RIT2: variants seen among roughly 807,000 people sequenced by gnomAD.
RIT2 encodes the protein GTP-binding protein Rit2.
In RIT2, 24 loss-of-function variants were observed where a neutral mutation model predicts 23.7. The observed-to-expected ratio is 1.01, with a 90% confidence interval of 0.73 to 1.43. The LOEUF is 1.43. Ranked by LOEUF, RIT2 falls within the 40% of genes most tolerant of loss-of-function variation. The pLI, the probability that RIT2 is intolerant of heterozygous loss-of-function variation, is 0.00. For missense variants in RIT2, 236 were observed against 266.9 expected (o/e 0.88, Z 0.81); for synonymous variants, 107 against 91.1 (o/e 1.17, Z -0.99).
At chr18:42,965,711 C>CTGTTTTT (rs1731885941) in intron 3 of RIT2, among the ~76,000 whole-genome samples, 1 of 37,770 alleles carries the variant, frequency 2.6e-5, no homozygotes, top group Non-Finnish European at 5.3e-5. Flanking sequence ...GTACTGATGG[C>CTGTTTTT]TTTTTTTTTT....
intron 3 of RIT2, among the ~76,000 whole-genome samples, chr18:42,943,854 C>G (rs1016342156): frequency 6.6e-6 from 1 of 152,076 alleles, no homozygotes; most frequent in African/African-American, 2.4e-5. Flanking sequence ...TCTTTTATTC[C>G]CACACCTCAC....
At chr18:43,078,887 C>T (rs1913088244) in intron 1 of RIT2, among the ~76,000 whole-genome samples, 4 of 152,142 alleles carry the variant, frequency 2.6e-5, no homozygotes, top group Admixed American at 2.6e-4. Flanking sequence ...TAGTATACAT[C>T]CCAGAGGAGC....
intron 3 of RIT2, among the ~76,000 whole-genome samples, chr18:42,960,340 C>T (rs912196856): frequency 1.3e-5 from 2 of 152,134 alleles, no homozygotes; most frequent in Admixed American, 6.6e-5. Flanking sequence ...GATGGAGTCT[C>T]GCTCTGTCGC....
At chr18:43,115,360 T>C (rs1914043385) in intron 1 of RIT2, 57 bp downstream of exon 1, 2 of 1,602,610 alleles carry the variant, frequency 1.2e-6, no homozygotes, top group African/African-American at 1.3e-5. Flanking sequence ...TCTTTCACTC[T>C]ATAGAGTTGT....
In RIT2 at chr18:43,033,871, A is replaced by G; in HGVS notation, c.104-4T>C. On this transcript the variant is annotated splice_region_variant and splice_polypyrimidine_tract_variant and intron_variant, in intron 1 of 4. Transcript: ENST00000326695. ...CTAATAAACTGCATTGTCATTGCTG[A>G]AAGAAAAAAAACACATTTTGTTTAA... 1 of 1,594,276 alleles carries G rather than the reference A, an allele frequency of 6.3e-7. No individual in the cohort carries two copies. The highest frequency in any genetic ancestry group is 1.1e-5 in the South Asian group (1 of 90,320).
chr18:42,776,192 A>G (rs1278567107), intron 4 of RIT2, among the ~76,000 whole-genome samples: 10 of 152,208 alleles, frequency 6.6e-5, no homozygotes, highest in Non-Finnish European at 1.3e-4. Flanking sequence ...GCAAATATAC[A>G]AACAGTTGGA....
chr18:42,957,544 G>A (rs188331479), intron 3 of RIT2, among the ~76,000 whole-genome samples: 7 of 152,258 alleles, frequency 4.6e-5, no homozygotes, highest in Admixed American at 3.9e-4. Context: ...AGCACTTTGG[G>A]AGGCCGAAGC....
chr18:42,875,709 C>G (rs990427232), intron 4 of RIT2, among the ~76,000 whole-genome samples: 3 of 151,910 alleles, frequency 2.0e-5, no homozygotes, highest in African/African-American at 7.2e-5. Flanking sequence ...ATATAATAGA[C>G]CTATCAGTGA....
rs28866500 is a variant in RIT2 at position 42,993,062 on chromosome 18, C to T, written c.161-18915G>A. 9.0e-3 allele frequency among the ~76,000 whole-genome samples: 1,375 copies of T among 152,246 alleles called. 37 individuals carry two copies. Among genetic ancestry groups the T allele is most frequent in the African/African-American group, 0.031 (1,300 of 41,544 alleles). On this transcript the variant is annotated intron_variant, in intron 2 of 4. Transcript: ENST00000326695. Reference sequence around the variant, plus strand: ...CCTCCACTGTGAGACAAACCCCAGCCACATCTCCAGCACACAAGAACTTCC... The same window carrying T: ...CCTCCACTGTGAGACAAACCCCAGCTACATCTCCAGCACACAAGAACTTCC...
At chr18:42,778,039 T>C (rs556084018) in intron 4 of RIT2, among the ~76,000 whole-genome samples, 4 of 152,350 alleles carry the variant, frequency 2.6e-5, no homozygotes, top group African/African-American at 9.6e-5. Context: ...GTGTGTGTTC[T>C]GCCCTACAAC....
chr18:43,046,132 T>A (rs1912241389), intron 1 of RIT2, among the ~76,000 whole-genome samples: 1 of 152,106 alleles, frequency 6.6e-6, no homozygotes, highest in African/African-American at 2.4e-5. Context: ...CCCAGAAAGA[T>A]AAAATGTAAC....
chr18:43,041,428 G>A (rs778519029), intron 1 of RIT2, among the ~76,000 whole-genome samples: 27 of 152,242 alleles, frequency 1.8e-4, no homozygotes, highest in Non-Finnish European at 1.5e-4. Flanking sequence ...TTAACGGTAA[G>A]CCCTGGATAC....
intron 4 of RIT2, among the ~76,000 whole-genome samples, chr18:42,818,251 A>C (rs916716799): frequency 6.6e-6 from 1 of 152,100 alleles, no homozygotes; most frequent in African/African-American, 2.4e-5. Flanking sequence ...TAAAATATTG[A>C]TGCCTAGAAT....
At chr18:42,800,481 G>C (rs1905499829) in intron 4 of RIT2, among the ~76,000 whole-genome samples, 2 of 151,162 alleles carry the variant, frequency 1.3e-5, no homozygotes, top group South Asian at 4.2e-4. Context: ...CTACTCTTAA[G>C]GTAATTTTTC....
chr18:43,026,669 T>A (rs190262957), intron 2 of RIT2, among the ~76,000 whole-genome samples: 1 of 150,330 alleles, frequency 6.7e-6, no homozygotes, highest in South Asian at 2.1e-4. Flanking sequence ...GATGAAAAAG[T>A]TTTTCTTTCT....
At chr18:42,854,676 C>A (rs1372834848) in intron 4 of RIT2, among the ~76,000 whole-genome samples, 2 of 152,172 alleles carry the variant, frequency 1.3e-5, no homozygotes, top group African/African-American at 4.8e-5. Flanking sequence ...TAAAAACAAA[C>A]AGCTAAAGTA....
chr18:42,788,440 G>A (rs529621), intron 4 of RIT2, among the ~76,000 whole-genome samples: 97,452 of 152,066 alleles, frequency 0.64, 35,548 homozygotes, highest in Middle Eastern at 0.83. Flanking sequence ...TCCACATTTT[G>A]TTACACTTAG....
At chr18:43,114,121 T>C (rs1416624356) in intron 1 of RIT2, among the ~76,000 whole-genome samples, 2 of 152,178 alleles carry the variant, frequency 1.3e-5, no homozygotes, top group Admixed American at 6.5e-5. Context: ...TCCTCATTTA[T>C]ACACAATTAC....
chr18:42,929,058 T>TA (rs55883786), intron 3 of RIT2, among the ~76,000 whole-genome samples: 1,828 of 141,516 alleles, frequency 0.013, 45 homozygotes, highest in African/African-American at 0.038. Context: ...TATATATATA[T>TA]TTATATGAGA....
Sources: allele counts gnomAD v4.1 joint callset (sites outside exome capture counted in the v4.1 genomes callset), GRCh38; gene constraint gnomAD v4.1.1; transcripts MANE v1.5; gene names NCBI Gene and HGNC (gene_info 2026-07-23, HGNC 2026-07-21).